The following WDFY1 variants were observed in gnomAD, a reference collection of about 807,000 sequenced individuals.
WDFY1 encodes the protein WD repeat and FYVE domain-containing protein 1.
A neutral mutation model predicts 56.4 loss-of-function variants in WDFY1; 32 were observed. The ratio of observed to expected loss-of-function variants is 0.57; its 90% confidence interval spans 0.43 to 0.76. The LOEUF is 0.76. WDFY1 is among the 30% of genes least tolerant of loss of function. WDFY1 has a pLI of 0.00. For missense variants in WDFY1, 480 were observed against 545.7 expected, an observed-to-expected ratio of 0.88 and a Z score of 1.20; for synonymous variants, 192 against 197.3, an observed-to-expected ratio of 0.97 and a Z score of 0.23.
At chr2:223,930,651 C>T (rs541961806) in intron 1 of WDFY1, among the ~76,000 whole-genome samples, 27 of 152,290 alleles carry the variant, frequency 1.8e-4, no homozygotes, top group African/African-American at 6.0e-4. Flanking sequence ...TGGCTAGTGA[C>T]GCTATGTTTA....
At chr2:223,927,537 A>G (rs1337626811) in intron 1 of WDFY1, among the ~76,000 whole-genome samples, 1 of 152,206 alleles carries the variant, frequency 6.6e-6, no homozygotes, top group Non-Finnish European at 1.5e-5. Flanking sequence ...AAGAGGATTA[A>G]GGCCTTGCTC....
intron 8 of WDFY1, among the ~76,000 whole-genome samples, chr2:223,885,494 G>T (rs1183137898): frequency 1.3e-5 from 2 of 152,180 alleles, no homozygotes; most frequent in Non-Finnish European, 2.9e-5. Flanking sequence ...ACTGCGCCCA[G>T]CCTTAACTGT....
At position 223,899,090 on chromosome 2, in the gene WDFY1, G is replaced by T. The variant is rs1434629058; in HGVS notation, c.486-20C>A. 1.2e-6 allele frequency: 2 copies of T among 1,602,148 alleles called. No homozygotes were observed. The highest frequency in any genetic ancestry group is 1.3e-5 in the African/African-American group (1 of 74,674). On this transcript the variant is annotated intron_variant, in intron 5 of 11. Coordinates refer to ENST00000233055, the MANE Select transcript of WDFY1 (RefSeq NM_020830.5). ...TCATATCTGAGGAGAAGCAGTCAAGGATGTAGAACAGAAATCACCTGAAAG... is the reference window on the plus strand; with the variant it reads ...TCATATCTGAGGAGAAGCAGTCAAGTATGTAGAACAGAAATCACCTGAAAG...
chr2:223,944,353 A>T (rs962378517), intron 1 of WDFY1, among the ~76,000 whole-genome samples: 60 of 152,350 alleles, frequency 3.9e-4, no homozygotes, highest in African/African-American at 1.4e-3. Context: ...ACCAGGCTAA[A>T]CCCCGCCAGG....
At chr2:223,941,828 G>A (rs2272319) in intron 1 of WDFY1, among the ~76,000 whole-genome samples, 131,679 of 152,248 alleles carry the variant, frequency 0.86, 57,421 homozygotes, top group Non-Finnish European at 0.93. Context: ...AACGTGACAC[G>A]TATTTATGAC....
At chr2:223,932,022 A>T (rs970364272) in intron 1 of WDFY1, among the ~76,000 whole-genome samples, 31 of 151,528 alleles carry the variant, frequency 2.0e-4, no homozygotes, top group African/African-American at 7.0e-4. Context: ...CCATACCAGA[A>T]AGGGCACTGG....
rs185833783 is a variant in WDFY1, at chr2:223,916,658, C to T, written c.205+1285G>A. On this transcript the variant is annotated intron_variant, in intron 2 of 11. Coordinates refer to ENST00000233055, the MANE Select transcript of WDFY1 (RefSeq NM_020830.5). ...ACTTGGCATAACGGAGTTGACTCCC[C>T]ATTTGAACTTTGATGACATCCAGGC... 2.7e-3 allele frequency among the ~76,000 whole-genome samples: 409 copies of T among 152,248 alleles called. 3 individuals carry two copies. Among genetic ancestry groups the T allele is most frequent in the African/African-American group, 9.4e-3 (392 of 41,528 alleles).
At chr2:223,930,717 C>T (rs1430695291) in intron 1 of WDFY1, among the ~76,000 whole-genome samples, 2 of 152,212 alleles carry the variant, frequency 1.3e-5, no homozygotes, top group African/African-American at 4.8e-5. Context: ...GGTTTGCTCT[C>T]ACTCTGTGTC....
rs186675472 is a variant in WDFY1, at chr2:223,882,612, T to C, written c.934-540A>G. 3.9e-5 allele frequency among the ~76,000 whole-genome samples: 6 copies of C among 152,354 alleles called. No individual in the cohort carries two copies. In the East Asian group the frequency reaches 1.2e-3, roughly 29 times the overall value. The stretch of plus-strand genomic sequence containing the variant: ...GCTTTTCATTCATTCATATTATCTG[T>C]CTACATGTTAACAAACAATATTATT... On this transcript the variant is annotated intron_variant, in intron 9 of 11. Transcript: ENST00000233055.
At chr2:223,923,176 G>C (rs1693915926) in intron 1 of WDFY1, among the ~76,000 whole-genome samples, 1 of 152,100 alleles carries the variant, frequency 6.6e-6, no homozygotes, top group African/African-American at 2.4e-5. Context: ...TTTCAAACCA[G>C]ACCCTTCCTC....
At chr2:223,932,789 T>C (rs1694100375) in intron 1 of WDFY1, among the ~76,000 whole-genome samples, 1 of 151,912 alleles carries the variant, frequency 6.6e-6, no homozygotes, top group Non-Finnish European at 1.5e-5. Context: ...TTTCAAATCT[T>C]GGTAAATCTG....
intron 1 of WDFY1, among the ~76,000 whole-genome samples, chr2:223,920,451 G>A (rs1486319260): frequency 2.0e-5 from 3 of 152,238 alleles, no homozygotes; most frequent in East Asian, 1.9e-4. Context: ...CAGTATGCCA[G>A]GAAATATTTA....
chr2:223,945,084 C>T, intron 1 of WDFY1, 64 bp downstream of exon 1: 1 of 1,494,930 alleles, frequency 6.7e-7, no homozygotes, highest in Non-Finnish European at 8.9e-7. Flanking sequence ...GGGCCGCGGA[C>T]CCCACCGCCC....
chr2:223,884,019 A>C (rs1310911583), intron 9 of WDFY1, among the ~76,000 whole-genome samples: 1 of 152,042 alleles, frequency 6.6e-6, no homozygotes, highest in Non-Finnish European at 1.5e-5. Flanking sequence ...AAAGGAATAA[A>C]ATCAGCATTC....
At chr2:223,903,008 G>T (rs999019721) in intron 4 of WDFY1, among the ~76,000 whole-genome samples, 11 of 151,948 alleles carry the variant, frequency 7.2e-5, no homozygotes, top group Admixed American at 5.9e-4. Flanking sequence ...CTGCTGTTTG[G>T]TTTTTTCTGA....
chr2:223,882,243 T>C (rs892502528), intron 9 of WDFY1, among the ~76,000 whole-genome samples, 171 bp from the exon 10 acceptor site: 7 of 152,084 alleles, frequency 4.6e-5, no homozygotes, highest in African/African-American at 7.2e-5. Flanking sequence ...GCCTCCCAAG[T>C]AGCTGGGATT....
At chr2:223,899,572 C>A (rs960901927) in intron 5 of WDFY1, among the ~76,000 whole-genome samples, 2 of 152,056 alleles carry the variant, frequency 1.3e-5, no homozygotes, top group African/African-American at 4.8e-5. Context: ...TGGTGAAACC[C>A]CGTCTCTACT....
rs532941202 is a variant in WDFY1 at position 223,911,676 on chromosome 2, T to G, written c.279+577A>C. Among the ~76,000 whole-genome samples, 4 of 151,886 alleles carry G rather than the reference T, an allele frequency of 2.6e-5. No homozygotes were observed. In the East Asian group the frequency reaches 5.8e-4, roughly 22 times the overall value. ...GATGGGGGCTGCTATAGGTGACGTATTCACTCTATGAAGGCTATGATCTGT... is the reference window on the plus strand; with the variant it reads ...GATGGGGGCTGCTATAGGTGACGTAGTCACTCTATGAAGGCTATGATCTGT... On this transcript the variant is annotated intron_variant, in intron 3 of 11. Transcript: ENST00000233055.
intron 3 of WDFY1, among the ~76,000 whole-genome samples, chr2:223,910,439 A>G (rs565974469): frequency 1.2e-3 from 178 of 151,194 alleles, no homozygotes; most frequent in Admixed American, 2.3e-3. Flanking sequence ...ATTGGACTTC[A>G]CCAAACTTAA....
Sources: gnomAD v4.1 joint callset for allele counts (sites outside exome capture counted in the v4.1 genomes callset) on GRCh38, gnomAD v4.1.1 for gene constraint, MANE v1.5 for transcripts, NCBI Gene and HGNC (gene_info 2026-07-23, HGNC 2026-07-21) for gene names.